The following STPG2 variants were observed in gnomAD, a reference collection of about 807,000 sequenced individuals.
STPG2 encodes sperm-tail PG-rich repeat-containing protein 2.
STPG2 carries 56 observed loss-of-function variants against 54.2 expected under a neutral mutation model. The ratio of observed to expected loss-of-function variants is 1.03; its 90% CI spans 0.83 to 1.29. The LOEUF is 1.29. Among genes scored for constraint, STPG2 ranks in the 50% most tolerant of loss-of-function variants. STPG2 has a pLI of 0.00. For missense variants in STPG2, 596 were observed against 544.9 expected, an observed-to-expected ratio of 1.09 and a Z score of -0.93; for synonymous variants, 200 against 181.8, an observed-to-expected ratio of 1.10 and a Z score of -0.81.
chr4:98,008,043 A>G (rs1008945504), intron 5 of STPG2, among the ~76,000 whole-genome samples: 2 of 152,168 alleles, frequency 1.3e-5, no homozygotes, highest in African/African-American at 4.8e-5. Context: ...GAAATAATTG[A>G]TGAAACTTCC....
At chr4:97,661,897 T>C (rs906620470) in intron 10 of STPG2, among the ~76,000 whole-genome samples, 2 of 152,128 alleles carry the variant, frequency 1.3e-5, no homozygotes, top group Non-Finnish European at 2.9e-5. Context: ...TATAAGACCT[T>C]GAATTAAAAC....
chr4:97,569,672 T>C (rs1732549487), intron 10 of STPG2, among the ~76,000 whole-genome samples: 1 of 152,064 alleles, frequency 6.6e-6, no homozygotes, highest in African/African-American at 2.4e-5. Flanking sequence ...AATAATATAA[T>C]TGAAATTAGT....
At chr4:97,664,180 C>T (rs1208778241) in intron 10 of STPG2, among the ~76,000 whole-genome samples, 1 of 152,146 alleles carries the variant, frequency 6.6e-6, no homozygotes, top group Non-Finnish European at 1.5e-5. Context: ...TTAATCTTCA[C>T]AAAACCCCAA....
chr4:97,512,729 A>C (rs1730998564), intron 4 of STPG2, among the ~76,000 whole-genome samples: 1 of 152,092 alleles, frequency 6.6e-6, no homozygotes, highest in African/African-American at 2.4e-5. Context: ...TCACTTATTG[A>C]GGGCTTAGCG....
chr4:97,568,994 GAA>G (rs925876888), intron 10 of STPG2, among the ~76,000 whole-genome samples: 8 of 152,048 alleles, frequency 5.3e-5, no homozygotes, highest in African/African-American at 1.7e-4. Flanking sequence ...CATCGTGCAA[GAA>G]AGACTTTGAG....
intron 9 of STPG2, among the ~76,000 whole-genome samples, chr4:97,794,981 T>C (rs1356286759): frequency 6.6e-6 from 1 of 152,152 alleles, no homozygotes; most frequent in Non-Finnish European, 1.5e-5. Context: ...GCCACAAAGC[T>C]TGTAATAATA....
At chr4:97,531,029 A>G (rs1340838628) in intron 4 of STPG2, among the ~76,000 whole-genome samples, 1 of 152,248 alleles carries the variant, frequency 6.6e-6, no homozygotes, top group Non-Finnish European at 1.5e-5. Flanking sequence ...AATCTGATTT[A>G]AAAATGGACA....
intron 9 of STPG2, among the ~76,000 whole-genome samples, chr4:97,831,915 AT>A (rs1273344247): frequency 6.6e-6 from 1 of 152,204 alleles, no homozygotes; most frequent in African/African-American, 2.4e-5. Flanking sequence ...GACCAGATGG[AT>A]TCACAGCCAA....
chr4:98,127,572 T>C (rs1034107424), intron 3 of STPG2, among the ~76,000 whole-genome samples: 1 of 152,218 alleles, frequency 6.6e-6, no homozygotes, highest in African/African-American at 2.4e-5. Context: ...GTTTTAGAAT[T>C]TTCCTCACTA....
chr4:97,828,693 T>C (rs1728342849), intron 9 of STPG2, among the ~76,000 whole-genome samples: 1 of 152,086 alleles, frequency 6.6e-6, no homozygotes, highest in South Asian at 2.1e-4. Context: ...CCTGGGATGC[T>C]CGAGCTTGAT....
chr4:97,847,754 G>A (rs892391449), intron 8 of STPG2, among the ~76,000 whole-genome samples: 1 of 152,128 alleles, frequency 6.6e-6, no homozygotes, highest in Admixed American at 6.5e-5. Context: ...ACTACCAAAC[G>A]ATGTGTTCTT....
chr4:98,118,067 G>A (rs575664393), intron 3 of STPG2, among the ~76,000 whole-genome samples: 2 of 152,164 alleles, frequency 1.3e-5, no homozygotes, highest in Non-Finnish European at 2.9e-5. Flanking sequence ...TACCCTGAGG[G>A]TTTGTTTAGT....
intron 5 of STPG2, among the ~76,000 whole-genome samples, chr4:98,063,742 A>T (rs1474959635): frequency 1.3e-5 from 2 of 151,966 alleles, no homozygotes; most frequent in Admixed American, 6.6e-5. Flanking sequence ...AAATGACAAT[A>T]AAAAAATGAC....
chr4:97,905,019 T>C (rs1328426575), intron 8 of STPG2, among the ~76,000 whole-genome samples: 1 of 151,986 alleles, frequency 6.6e-6, no homozygotes, highest in Non-Finnish European at 1.5e-5. Context: ...GGAACCAAGT[T>C]GGAAAACACT....
At chr4:97,706,220 A>G (rs2149002025) in intron 10 of STPG2, among the ~76,000 whole-genome samples, 1 of 152,308 alleles carries the variant, frequency 6.6e-6, no homozygotes, top group African/African-American at 2.4e-5. Flanking sequence ...CTAGACACAT[A>G]TACTCAGCAC....
chr4:97,786,916 T>C (rs571700238), intron 9 of STPG2, among the ~76,000 whole-genome samples: 2 of 152,260 alleles, frequency 1.3e-5, no homozygotes, highest in Admixed American at 6.5e-5. Flanking sequence ...AATTAAACTA[T>C]ATATAGGTAT....
intron 10 of STPG2, among the ~76,000 whole-genome samples, chr4:97,637,495 C>A (rs934878343): frequency 1.3e-5 from 2 of 151,970 alleles, no homozygotes; most frequent in African/African-American, 4.8e-5. Context: ...CTGGCCAGGG[C>A]AATTAGGCAG....
intron 8 of STPG2, among the ~76,000 whole-genome samples, chr4:97,909,337 T>C (rs569445271): frequency 1.3e-5 from 2 of 151,938 alleles, no homozygotes; most frequent in Non-Finnish European, 2.9e-5. Flanking sequence ...AAATTTAATC[T>C]GTTATTAAAA....
At chr4:97,846,748 A>G (rs557398834) in intron 8 of STPG2, among the ~76,000 whole-genome samples, 6 of 152,222 alleles carry the variant, frequency 3.9e-5, no homozygotes, top group Admixed American at 3.3e-4. Context: ...GCCTGCGAAA[A>G]TATGCAGTAG....
Sources: allele counts gnomAD v4.1 joint callset (sites outside exome capture counted in the v4.1 genomes callset), GRCh38; gene constraint gnomAD v4.1.1; transcripts MANE v1.5; gene names NCBI Gene and HGNC (gene_info 2026-07-23, HGNC 2026-07-21).